Variants in LIPA observed in about 807,000 individuals in gnomAD.
LIPA encodes the protein lysosomal acid lipase/cholesteryl ester hydrolase.
LIPA carries 26 observed loss-of-function variants against 40.6 expected under a neutral mutation model. The ratio of observed to expected loss-of-function variants is 0.64; its 90% CI spans 0.47 to 0.89. The LOEUF (loss-of-function observed/expected upper bound fraction) is 0.89, where lower values mean the gene tolerates loss of function less well. LIPA is among the 40% of genes least tolerant of loss of function. The pLI is 0.00. For synonymous variants in LIPA, 188 were observed against 168.4 expected (o/e 1.12, Z -0.90); for missense variants, 455 against 479.6 (o/e 0.95, Z 0.48).
chr10:89,403,603 T>C (rs766898563), intron 2 of LIPA: 32 of 1,614,060 alleles, frequency 2.0e-5, no homozygotes, highest in Non-Finnish European at 2.6e-5. Flanking sequence ...TTGAGCCTCC[T>C]TGGGTTCGTC....
chr10:89,327,966 C>T, intron 1 of LIPA: 1 of 1,196,532 alleles, frequency 8.4e-7, no homozygotes, highest in Non-Finnish European at 1.2e-6. Flanking sequence ...TCTCCCACCC[C>T]TTTATATAGT....
chr10:89,267,268 T>G (rs1471600891), intron 1 of LIPA, among the ~76,000 whole-genome samples: 1 of 152,128 alleles, frequency 6.6e-6, no homozygotes, highest in Non-Finnish European at 1.5e-5. Flanking sequence ...GATAGTGCAG[T>G]AGCCCCAGGT....
At chr10:89,274,511 T>C (rs1326149471) in intron 1 of LIPA, among the ~76,000 whole-genome samples, 2 of 152,218 alleles carry the variant, frequency 1.3e-5, no homozygotes, top group African/African-American at 2.4e-5. Context: ...ACTGTTGGGT[T>C]GAACATCTGA....
At chr10:89,223,366 T>C (rs1041628890) in intron 7 of LIPA, among the ~76,000 whole-genome samples, 1 of 152,184 alleles carries the variant, frequency 6.6e-6, no homozygotes, top group Non-Finnish European at 1.5e-5. Flanking sequence ...CCCATCTTTA[T>C]GTTTATACTT....
intron 2 of LIPA, among the ~76,000 whole-genome samples, chr10:89,361,875 CTTTTTTTTTTTTTTT>C (rs59818683): frequency 9.9e-5 from 4 of 40,438 alleles, no homozygotes; most frequent in Admixed American, 3.0e-4. Flanking sequence ...CTCCACCTGC[CTTTTTTTTTTTTTTT>C]TTTTTTTTTT....
At chr10:89,345,116 G>A (rs1470312717), upstream of LIPA, among the ~76,000 whole-genome samples, 5 of 151,480 alleles carry the variant, frequency 3.3e-5, no homozygotes, top group South Asian at 2.1e-4. Context: ...GCAGTGAGCC[G>A]AGATCGCACC....
At chr10:89,401,712 G>C (rs572840962) in intron 2 of LIPA, among the ~76,000 whole-genome samples, 1 of 152,000 alleles carries the variant, frequency 6.6e-6, no homozygotes, top group African/African-American at 2.4e-5. Context: ...GAGAAAGTGG[G>C]TGAAGGATAC....
rs75899071 is a variant in LIPA at position 89,350,003 on chromosome 10, A to G, written c.61+62788T>C. On this transcript the variant is annotated intron_variant, in intron 2 of 8. Coordinates refer to the LIPA transcript ENST00000371837. ...TCACTGGACAAAGTCTACACAAACA[A>G]ATCTTAGTAACTAGCCCTCATCTAC... 1.9e-3 allele frequency among the ~76,000 whole-genome samples: 292 copies of G among 152,212 alleles called. 3 individuals are homozygous for G. In the East Asian group the frequency reaches 0.047, roughly 24 times the overall value.
At chr10:89,376,360 T>C (rs1410591984) in intron 2 of LIPA, among the ~76,000 whole-genome samples, 1 of 152,202 alleles carries the variant, frequency 6.6e-6, no homozygotes, top group Non-Finnish European at 1.5e-5. Context: ...TTATATACTA[T>C]ACTCTTTCTT....
chr10:89,403,529 T>C (rs1286463890), intron 2 of LIPA: 1 of 1,613,864 alleles, frequency 6.2e-7, no homozygotes, highest in Non-Finnish European at 8.5e-7. Context: ...GGGATAAAAG[T>C]ATCAATTCTT....
At chr10:89,410,550 A>AGCCATAGCGAT (rs1437958926) in intron 2 of LIPA, among the ~76,000 whole-genome samples, 2 of 152,270 alleles carry the variant, frequency 1.3e-5, no homozygotes, top group African/African-American at 2.4e-5. Flanking sequence ...CATACTTGAA[A>AGCCATAGCGAT]GTAAGCCTCT....
chr10:89,410,253 G>A (rs1841458113), intron 2 of LIPA, among the ~76,000 whole-genome samples: 1 of 152,214 alleles, frequency 6.6e-6, no homozygotes, highest in Admixed American at 6.5e-5. Flanking sequence ...GCCAAAGGAA[G>A]TTTATGGCTA....
At chr10:89,269,061 A>C (rs1843252262) in intron 1 of LIPA, among the ~76,000 whole-genome samples, 1 of 150,710 alleles carries the variant, frequency 6.6e-6, no homozygotes, top group East Asian at 2.0e-4. Flanking sequence ...ACGGTGGTTC[A>C]CACCTCTAAT....
chr10:89,355,130 T>C (rs1284023368), intron 2 of LIPA, among the ~76,000 whole-genome samples: 1 of 152,190 alleles, frequency 6.6e-6, no homozygotes, highest in African/African-American at 2.4e-5. Context: ...TTGGGGAAGT[T>C]GTGAATTGTT....
intron 2 of LIPA, among the ~76,000 whole-genome samples, chr10:89,377,453 A>G (rs1221790247): frequency 6.6e-6 from 1 of 152,200 alleles, no homozygotes; most frequent in Non-Finnish European, 1.5e-5. Flanking sequence ...AATAGGCTCC[A>G]CTATAGCCAG....
At chr10:89,347,742 G>A (rs956526798) in intron 2 of LIPA, among the ~76,000 whole-genome samples, 3 of 152,092 alleles carry the variant, frequency 2.0e-5, no homozygotes, top group East Asian at 1.9e-4. Context: ...AGCTTCCTCC[G>A]TACATGTCTA....
rs1025507830 is a variant in LIPA at position 89,392,475 on chromosome 10, C to CA, written c.61+20315_61+20316insT. On this transcript the variant is annotated intron_variant, in intron 2 of 8. Transcript: ENST00000371837. ...AGAAACAAAGTTTCATTCCCCACCCCCCCCCGTCAGCAGGAATTCCGCTAG... is the reference window on the plus strand; with the variant it reads ...AGAAACAAAGTTTCATTCCCCACCCCACCCCCGTCAGCAGGAATTCCGCTAG... 7 of 242,472 alleles carry CA rather than the reference C, an allele frequency of 2.9e-5. 1 individual carries two copies. The highest frequency in any genetic ancestry group is 2.2e-4 in the Admixed American group (4 of 17,992). 15.0% of individuals were successfully genotyped at this position (242,472 alleles called of 1,614,324 possible).
chr10:89,295,229 A>G (rs1271403856), intron 1 of LIPA, among the ~76,000 whole-genome samples: 1 of 152,200 alleles, frequency 6.6e-6, no homozygotes, highest in East Asian at 1.9e-4. Context: ...ATTACAGCCC[A>G]TTGTGGGGAT....
At chr10:89,345,122 G>A (rs10159869), upstream of LIPA, among the ~76,000 whole-genome samples, 10,453 of 151,010 alleles carry the variant, frequency 0.069, 907 homozygotes, top group African/African-American at 0.2. Flanking sequence ...AGCCGAGATC[G>A]CACCACTGCA....
Sources: allele counts gnomAD v4.1 joint callset (sites outside exome capture counted in the v4.1 genomes callset), GRCh38; gene constraint gnomAD v4.1.1; transcripts MANE v1.5; gene names NCBI Gene and HGNC (gene_info 2026-07-23, HGNC 2026-07-21).